ALMS1: variants seen among roughly 807,000 people sequenced by gnomAD.
The protein encoded by ALMS1 is ALMS1 centrosome and basal body associated protein, also known as centrosome-associated protein ALMS1.
A neutral mutation model predicts 352.2 loss-of-function variants in ALMS1; 271 were observed. The observed-to-expected ratio is 0.77, with a 90% CI of 0.70 to 0.85. The LOEUF (loss-of-function observed/expected upper bound fraction) is 0.85. Among genes scored for constraint, ALMS1 ranks in the 40% least tolerant of loss-of-function variants. The pLI, the probability that ALMS1 is intolerant of heterozygous loss-of-function variation, is 0.00. For synonymous variants in ALMS1, 1,865 were observed against 1,761.2 expected (o/e 1.06, Z -1.48); for missense variants, 5,445 against 4,870.7 (o/e 1.12, Z -3.51).
intron 10 of ALMS1, among the ~76,000 whole-genome samples, chr2:73,510,026 T>A (rs1054659078): frequency 4.6e-5 from 7 of 152,222 alleles, no homozygotes; most frequent in Admixed American, 4.6e-4. Flanking sequence ...GATACTTATG[T>A]ATGCTTCTCG....
At chr2:73,579,773 G>A (rs1241458888) in intron 16 of ALMS1, among the ~76,000 whole-genome samples, 1 of 152,056 alleles carries the variant, frequency 6.6e-6, no homozygotes, top group African/African-American at 2.4e-5. Flanking sequence ...GATCCCTTCT[G>A]TGCTCGCCCT....
At chr2:73,508,124 T>TCCTTTCCTTTC (rs1673372425) in intron 10 of ALMS1, among the ~76,000 whole-genome samples, 1 of 150,742 alleles carries the variant, frequency 6.6e-6, no homozygotes, top group African/African-American at 2.4e-5. Flanking sequence ...TCTTTTCTTT[T>TCCTTTCCTTTC]CCTTTCCTTT....
intron 5 of ALMS1, among the ~76,000 whole-genome samples, chr2:73,425,770 T>C (rs1671366027): frequency 6.6e-6 from 1 of 152,184 alleles, no homozygotes; most frequent in African/African-American, 2.4e-5. Context: ...ATGCTATCAG[T>C]CTACTCCTGG....
Position 73,455,406 on chromosome 2 carries a change from T to A in ALMS1, c.7674+111T>A, listed in dbSNP as rs965045991. The A allele has an allele frequency of 2.6e-5, 37 of 1,419,494 alleles. 1 individual carries two copies. In the South Asian group the frequency reaches 2.9e-4, roughly 11 times the overall value. 87.9% of individuals were successfully genotyped at this position (1,419,494 alleles called of 1,614,324 possible). ...TTGCTGATAATATTTGGCTAAAGCC[T>A]TTTTTGGTTTTGTTTTTGAGACAGT... On this transcript the variant is annotated intron_variant, in intron 9 of 22. Coordinates refer to ENST00000613296, the MANE Select transcript of ALMS1 (RefSeq NM_001378454.1).
chr2:73,388,464 T>A (rs1670582699), intron 1 of ALMS1, among the ~76,000 whole-genome samples: 1 of 152,208 alleles, frequency 6.6e-6, no homozygotes, highest in Admixed American at 6.5e-5. Flanking sequence ...CCCCAGTGTC[T>A]GTTTATTTCC....
chr2:73,386,678 C>T (rs1670541624), intron 1 of ALMS1, among the ~76,000 whole-genome samples: 1 of 152,104 alleles, frequency 6.6e-6, no homozygotes, highest in Admixed American at 6.5e-5. Flanking sequence ...GTTTTCCTCC[C>T]CTGGACCATC....
chr2:73,477,615 T>C (rs1310506588), intron 9 of ALMS1, among the ~76,000 whole-genome samples: 1 of 152,154 alleles, frequency 6.6e-6, no homozygotes, highest in Admixed American at 6.5e-5. Context: ...TCCATAAACA[T>C]GAGCCAGTTT....
intron 11 of ALMS1, among the ~76,000 whole-genome samples, chr2:73,521,554 A>G (rs1432098761): frequency 6.0e-5 from 9 of 149,130 alleles, no homozygotes; most frequent in South Asian, 2.1e-4. Context: ...GGCTAACACA[A>G]TGAAACCCCG....
chr2:73,405,484 AGTCT>A (rs1289757703), intron 1 of ALMS1, among the ~76,000 whole-genome samples: 7 of 151,332 alleles, frequency 4.6e-5, no homozygotes, highest in Admixed American at 4.6e-4. Flanking sequence ...TTTCTCAGTC[AGTCT>A]AGCTAAAGGT....
chr2:73,572,317 A>T lies in ALMS1; in HGVS notation c.10440A>T (p.Ala3480=), dbSNP rs375046790. 7 of 1,606,286 alleles carry T rather than the reference A, an allele frequency of 4.4e-6. No homozygotes were observed. The highest frequency in any genetic ancestry group is 5.9e-6 in the Non-Finnish European group (7 of 1,177,112). The part of the protein sequence containing the change: ...ENTTRSVFRS[A]KFYIHHPVHL... ...CTACCCGTTCTGTCTTCAGGTCAGC[A>T]AAGTTTTACATTCATCATCCCGTAC... Residue 3480 remains alanine, a synonymous_variant, in exon 16 of 23, where the codon GCA becomes GCT. Transcript: ENST00000613296.
chr2:73,471,929 C>T (rs1198369853), intron 9 of ALMS1, among the ~76,000 whole-genome samples: 1 of 151,776 alleles, frequency 6.6e-6, no homozygotes, highest in Non-Finnish European at 1.5e-5. Flanking sequence ...TCACAGTAGC[C>T]AAGATATATA....
intron 16 of ALMS1, among the ~76,000 whole-genome samples, chr2:73,583,407 T>C (rs550655843): frequency 1.3e-5 from 2 of 152,268 alleles, no homozygotes; most frequent in East Asian, 3.9e-4. Context: ...TAACCCCTTC[T>C]CAGATACATG....
chr2:73,541,747 C>T (rs957912574), intron 12 of ALMS1, among the ~76,000 whole-genome samples: 8 of 152,268 alleles, frequency 5.3e-5, no homozygotes, highest in Non-Finnish European at 8.8e-5. Context: ...CACCTCTATG[C>T]GAATAAACTA....
intron 16 of ALMS1, among the ~76,000 whole-genome samples, chr2:73,578,265 T>G (rs1021434947): frequency 7.2e-5 from 11 of 152,166 alleles, no homozygotes; most frequent in East Asian, 5.8e-4. Context: ...TAACTCTTTG[T>G]GTCTTTGGAT....
chr2:73,493,317 A>C (rs11901272), intron 10 of ALMS1, among the ~76,000 whole-genome samples: 1 of 151,002 alleles, frequency 6.6e-6, no homozygotes, highest in African/African-American at 2.4e-5. Context: ...TAGGTTTATC[A>C]AACTCCACAG....
rs114696896 is a variant in ALMS1, at chr2:73,560,630, A to G, written c.10384+1488A>G. ...TATTGCAGCGTTATTTATAATCAAGAGGTGGAAGCAACCCACATGTCCATC... is the reference window on the plus strand; with the variant it reads ...TATTGCAGCGTTATTTATAATCAAGGGGTGGAAGCAACCCACATGTCCATC... On this transcript the variant is annotated intron_variant, in intron 15 of 22. Transcript: ENST00000613296. 6.2e-3 allele frequency among the ~76,000 whole-genome samples: 948 copies of G among 152,316 alleles called. 11 individuals carry two copies. Among genetic ancestry groups the G allele is most frequent in the African/African-American group, 0.022 (895 of 41,566 alleles).
chr2:73,481,761 G>C (rs1284429769), intron 9 of ALMS1, among the ~76,000 whole-genome samples: 3 of 151,502 alleles, frequency 2.0e-5, no homozygotes, highest in African/African-American at 7.3e-5. Context: ...CTTGAGTAGT[G>C]GTTTGTAGTT....
At chr2:73,386,712 C>G (rs1670542496) in intron 1 of ALMS1, among the ~76,000 whole-genome samples, 1 of 152,046 alleles carries the variant, frequency 6.6e-6, no homozygotes, top group Admixed American at 6.6e-5. Context: ...AAGGGGTTCC[C>G]CAGCCGATAG....
intron 11 of ALMS1, 51 bp downstream of exon 11, chr2:73,520,067 G>A (rs1217066205): frequency 3.7e-6 from 6 of 1,610,982 alleles, no homozygotes; most frequent in Non-Finnish European, 5.1e-6. Flanking sequence ...CTTTTGTGTA[G>A]TTATCTTAGA....
Sources: allele counts gnomAD v4.1 joint callset (sites outside exome capture counted in the v4.1 genomes callset), GRCh38; gene constraint gnomAD v4.1.1; transcripts MANE v1.5; gene names NCBI Gene and HGNC (gene_info 2026-07-23, HGNC 2026-07-21).